Variants in WWOX observed in about 807,000 individuals in gnomAD.
WWOX encodes WW domain-containing oxidoreductase.
Under a neutral mutation model 46.2 loss-of-function variants are expected in WWOX, and 69 were observed. The observed-to-expected ratio is 1.49, with a 90% CI of 1.23 to 1.82. The LOEUF (loss-of-function observed/expected upper bound fraction) is 1.82, where lower values mean the gene tolerates loss of function less well. Among genes scored for constraint, WWOX ranks in the 40% most tolerant of loss-of-function variants. WWOX has a pLI of 0.00. For missense variants in WWOX, 919 were observed against 542.6 expected (o/e 1.69, Z -6.89); for synonymous variants, 359 against 202.6 (o/e 1.77, Z -6.56).
chr16:78,410,109 C>G (rs921618759), intron 6 of WWOX, among the ~76,000 whole-genome samples: 3 of 152,180 alleles, frequency 2.0e-5, no homozygotes, highest in African/African-American at 7.2e-5. Flanking sequence ...CTGGCACCTT[C>G]CTTCCTCTGT....
At chr16:78,862,390 A>C (rs2043909480) in intron 8 of WWOX, among the ~76,000 whole-genome samples, 2 of 151,484 alleles carry the variant, frequency 1.3e-5, no homozygotes, top group Admixed American at 1.3e-4. Flanking sequence ...ATACATATAC[A>C]CACTATAGTG....
intron 8 of WWOX, among the ~76,000 whole-genome samples, chr16:78,676,109 T>C (rs1005892954): frequency 3.3e-5 from 5 of 151,826 alleles, no homozygotes. Context: ...GGGACAGTAA[T>C]CAGACAACCA....
intron 8 of WWOX, among the ~76,000 whole-genome samples, chr16:78,621,827 G>A (rs566312945): frequency 1.7e-3 from 255 of 151,838 alleles, no homozygotes; most frequent in African/African-American, 3.5e-3. Context: ...GGATGGTCTC[G>A]ATCTCCTGAC....
At chr16:78,376,833 C>G (rs144983223) in intron 5 of WWOX, among the ~76,000 whole-genome samples, 1 of 152,328 alleles carries the variant, frequency 6.6e-6, no homozygotes, top group African/African-American at 2.4e-5. Context: ...TTCTCTCCCT[C>G]CCAACAGCTG....
At chr16:78,257,948 GA>G (rs1335356810) in intron 5 of WWOX, among the ~76,000 whole-genome samples, 1 of 151,628 alleles carries the variant, frequency 6.6e-6, no homozygotes, top group Non-Finnish European at 1.5e-5. Context: ...AAAAATCAGA[GA>G]CTATATATAT....
At chr16:78,430,816 G>T (rs2083199858) in intron 7 of WWOX, among the ~76,000 whole-genome samples, 1 of 152,174 alleles carries the variant, frequency 6.6e-6, no homozygotes, top group African/African-American at 2.4e-5. Flanking sequence ...ACCGAGTCCT[G>T]TGGAAGGGAT....
chr16:78,738,682 G>T (rs1474409187), intron 8 of WWOX, among the ~76,000 whole-genome samples: 1 of 152,058 alleles, frequency 6.6e-6, no homozygotes, highest in African/African-American at 2.4e-5. Flanking sequence ...GCTTCTCCTG[G>T]CTAGAATGTG....
intron 5 of WWOX, among the ~76,000 whole-genome samples, chr16:78,276,685 A>G (rs1292489910): frequency 2.0e-5 from 3 of 152,222 alleles, no homozygotes; most frequent in South Asian, 2.1e-4. Flanking sequence ...AGTTGCTTGC[A>G]TGAATTGTGC....
chr16:78,581,512 G>C (rs1029255404), intron 8 of WWOX, among the ~76,000 whole-genome samples: 1 of 152,118 alleles, frequency 6.6e-6, no homozygotes, highest in Non-Finnish European at 1.5e-5. Flanking sequence ...GACTGCCAAC[G>C]TGCTAGTCTT....
intron 8 of WWOX, among the ~76,000 whole-genome samples, chr16:79,057,779 G>A (rs963228504): frequency 2.6e-5 from 4 of 152,118 alleles, no homozygotes; most frequent in Non-Finnish European, 4.4e-5. Context: ...ACCCGGACTC[G>A]AATCCCAGCT....
chr16:78,546,741 C>G (rs2044042444), intron 8 of WWOX, among the ~76,000 whole-genome samples: 2 of 152,254 alleles, frequency 1.3e-5, no homozygotes, highest in South Asian at 2.1e-4. Context: ...ATGAACCACA[C>G]TTTGAGAAAG....
chr16:79,134,572 A>C (rs2049946283), intron 8 of WWOX, among the ~76,000 whole-genome samples: 2 of 151,930 alleles, frequency 1.3e-5, no homozygotes, highest in Admixed American at 6.6e-5. Context: ...ACTTATTAGA[A>C]CTCCACAGTA....
intron 8 of WWOX, among the ~76,000 whole-genome samples, chr16:78,458,186 C>G (rs867867210): frequency 6.6e-6 from 1 of 151,770 alleles, no homozygotes. Context: ...CGAACTTGCC[C>G]TACATACTGT....
chr16:78,616,926 CAAT>C (rs2151638022), intron 8 of WWOX, among the ~76,000 whole-genome samples: 1 of 152,194 alleles, frequency 6.6e-6, no homozygotes, highest in African/African-American at 2.4e-5. Flanking sequence ...ATTCAGACCA[CAAT>C]AATGTTTTAT....
intron 8 of WWOX, among the ~76,000 whole-genome samples, chr16:79,094,875 G>C (rs541522012): frequency 6.6e-6 from 1 of 152,254 alleles, no homozygotes; most frequent in Admixed American, 6.5e-5. Flanking sequence ...GTCTACCCCA[G>C]AGTGTCATCA....
chr16:78,707,840 T>TATAAATAAATAAATAA (rs10582418), intron 8 of WWOX, among the ~76,000 whole-genome samples: 1 of 143,784 alleles, frequency 7.0e-6, no homozygotes, highest in African/African-American at 2.6e-5. Context: ...GTCTCAAAAA[T>TATAAATAAATAAATAA]ATAAATAAAT....
intron 5 of WWOX, among the ~76,000 whole-genome samples, chr16:78,187,159 A>G (rs2035736317): frequency 6.6e-6 from 1 of 152,202 alleles, no homozygotes; most frequent in South Asian, 2.1e-4. Flanking sequence ...AGGTTAACTG[A>G]GGGTAATTGT....
At chr16:78,148,821 C>G (rs11639590) in intron 4 of WWOX, among the ~76,000 whole-genome samples, 22,754 of 143,974 alleles carry the variant, frequency 0.16, 2,013 homozygotes, top group East Asian at 0.23. Context: ...TGGCGTGAAC[C>G]TGGGAGGCGG....
chr16:78,653,744 C>T (rs2047018640), intron 8 of WWOX, among the ~76,000 whole-genome samples: 1 of 152,190 alleles, frequency 6.6e-6, no homozygotes, highest in African/African-American at 2.4e-5. Context: ...CTAACCCGAA[C>T]CTCCACTGGT....
Sources: gnomAD v4.1 joint callset for allele counts (sites outside exome capture counted in the v4.1 genomes callset) on GRCh38, gnomAD v4.1.1 for gene constraint, MANE v1.5 for transcripts, NCBI Gene and HGNC (gene_info 2026-07-23, HGNC 2026-07-21) for gene names.